Variants in PTPRF observed in about 807,000 individuals in gnomAD.
PTPRF encodes protein tyrosine phosphatase receptor type F.
A neutral mutation model predicts 201.8 loss-of-function variants in PTPRF; 59 were observed. The observed-to-expected ratio is 0.29, with a 90% CI of 0.24 to 0.36. PTPRF has a LOEUF of 0.36. Ranked by LOEUF, PTPRF falls within the 10% of genes least tolerant of loss-of-function variation. The probability of loss-of-function intolerance (pLI) is 1.00; values close to 1 mark genes in which losing one functional copy is unlikely to be tolerated. For synonymous variants in PTPRF, 1,088 were observed against 1,089.7 expected, an observed-to-expected ratio of 1.00 and a Z score of 0.03; for missense variants, 2,132 against 2,690.5, an observed-to-expected ratio of 0.79 and a Z score of 4.59.
At position 43,603,420 on chromosome 1, in the gene PTPRF, C is replaced by T. The variant is rs779932793; in HGVS notation, c.2345C>T (p.Thr782Ile). 9.3e-6 allele frequency: 15 copies of T among 1,613,940 alleles called. No homozygotes were observed. In the Admixed American group the frequency reaches 2.2e-4, roughly 23 times the overall value. ...GAACCCCTCCTCCTCCCTCAGGAAA[C>T]CACTATCAGCGGCCTGACCCCGGAG... ...WRPEESEDYE[T>I]TISGLTPETT... The change falls in exon 15 of 34, where the codon ACC (threonine) becomes ATC (isoleucine). Residue 782 changes from threonine to isoleucine, a missense_variant. Thr to Ile is a moderately conservative substitution (Grantham distance 89). Around this residue, in one of 6 missense-constraint regions of PTPRF, gnomAD observed 818 missense variants for 915.3 expected, o/e 0.89. Transcript: ENST00000359947. The surrounding 1 kb of genome is among the most constrained non-coding windows in gnomAD (Gnocchi z 5.8).
chr1:43,607,053 G>A (rs190350496), intron 21 of PTPRF, 85 bp downstream of exon 21: 68 of 1,531,628 alleles, frequency 4.4e-5, no homozygotes, highest in Admixed American at 3.6e-4. Flanking sequence ...TGTGGAGAGC[G>A]TGCAGCCTTG....
At chr1:43,605,099 G>T (rs760324390) in intron 17 of PTPRF, 91 bp from the exon 18 acceptor site, 45 of 1,576,678 alleles carry the variant, frequency 2.9e-5, no homozygotes, top group Non-Finnish European at 3.8e-5. Context: ...TGTGGAGCAG[G>T]AATGTGGTTG....
intron 2 of PTPRF, among the ~76,000 whole-genome samples, chr1:43,544,789 C>G (rs1422752006): frequency 6.6e-6 from 1 of 152,110 alleles, no homozygotes. Context: ...CTCCTGCGCT[C>G]TTTCTCCCTC....
At chr1:43,600,083 A>G (rs1653370195) in intron 13 of PTPRF, among the ~76,000 whole-genome samples, 1 of 152,204 alleles carries the variant, frequency 6.6e-6, no homozygotes, top group Admixed American at 6.5e-5. Flanking sequence ...CTTTCTGCCC[A>G]GAGGGTGCTC....
intron 1 of PTPRF, among the ~76,000 whole-genome samples, chr1:43,532,989 C>A (rs1643753233): frequency 6.6e-6 from 1 of 152,368 alleles, no homozygotes; most frequent in East Asian, 1.9e-4. Flanking sequence ...CGCAGCATAC[C>A]TGTGCACATG....
intron 5 of PTPRF, 30 bp from the exon 6 acceptor site, chr1:43,569,560 C>T (rs1646429312): frequency 1.3e-6 from 2 of 1,568,418 alleles, no homozygotes; most frequent in Admixed American, 1.8e-5. Context: ...CAGAGCCAGC[C>T]CTAATACACA....
At chr1:43,557,555 A>T (rs1391634430) in intron 5 of PTPRF, among the ~76,000 whole-genome samples, 2 of 150,284 alleles carry the variant, frequency 1.3e-5, no homozygotes, top group East Asian at 3.9e-4. Context: ...AATTGCTTGA[A>T]CCCAGGAGGA....
chr1:43,619,949 T>C, intron 29 of PTPRF, 91 bp downstream of exon 29: 1 of 1,563,656 alleles, frequency 6.4e-7, no homozygotes, highest in Non-Finnish European at 8.7e-7. Flanking sequence ...AGGGCCAGCC[T>C]AGAAGACCAG....
rs145211050 is a variant in PTPRF at position 43,619,467 on chromosome 1, C to T, written c.4826C>T (p.Thr1609Met). The T allele has an allele frequency of 8.7e-6, 14 of 1,614,068 alleles. No individual in the cohort carries two copies. The highest frequency in any genetic ancestry group is 2.2e-5 in the East Asian group (1 of 44,880). ...CATGAGGCGCTGCTGGAGGCTGCCA[C>T]GTGCGGCCACACAGAGGTGCCTGCC... ...FIHEALLEAA[T>M]CGHTEVPARN... The change falls in exon 28 of 34, where the codon ACG (threonine) becomes ATG (methionine). Residue 1609 changes from threonine (T) to methionine (M), a missense_variant. Thr to Met is a moderately conservative substitution (Grantham distance 81). Around this residue, in one of 6 missense-constraint regions of PTPRF, gnomAD observed 519 missense variants for 659.5 expected, o/e 0.79. Transcript: ENST00000359947.
chr1:43,618,378 C>T (rs1297888308), intron 25 of PTPRF, among the ~76,000 whole-genome samples: 1 of 152,154 alleles, frequency 6.6e-6, no homozygotes, highest in Non-Finnish European at 1.5e-5. Flanking sequence ...GAAAATGTGC[C>T]TGGTGCGATC....
upstream of PTPRF, among the ~76,000 whole-genome samples, chr1:43,526,711 C>T (rs925976783): frequency 2.0e-5 from 3 of 152,206 alleles, no homozygotes; most frequent in African/African-American, 7.2e-5. Flanking sequence ...AGGGCTGCAA[C>T]TGCGGGGGCC....
intron 1 of PTPRF, chr1:43,532,574 G>T: frequency 5.6e-6 from 1 of 179,294 alleles, no homozygotes; most frequent in Non-Finnish European, 1.2e-5. Flanking sequence ...CTCATGGGGA[G>T]GAATCTGCTG....
rs1373936203 is a variant in PTPRF at position 43,605,589 on chromosome 1, G to A, written c.3450G>A (p.Arg1150=). Residue 1150 remains arginine, a synonymous_variant, in exon 19 of 34, where the codon AGG becomes AGA. Transcript: ENST00000359947. ...DRVGGSMLTP[R]WSTPEELELD... The stretch of plus-strand genomic sequence containing the variant: ...TGGGCGGGAGCATGCTGACGCCAAG[G>A]TGGAGCACACCCGAGGAACTGGAGC... 1 of 1,614,198 alleles carries A rather than the reference G, an allele frequency of 6.2e-7. No homozygotes were observed. The highest frequency in any genetic ancestry group is 1.1e-5 in the South Asian group (1 of 91,086).
intron 21 of PTPRF, among the ~76,000 whole-genome samples, chr1:43,607,924 C>G (rs778636939): frequency 5.9e-5 from 9 of 152,252 alleles, no homozygotes; most frequent in Non-Finnish European, 1.2e-4. Context: ...AAGCCTTCAG[C>G]CCCCAGCACT....
intron 11 of PTPRF, among the ~76,000 whole-genome samples, chr1:43,595,968 C>T (rs750608021): frequency 2.0e-5 from 3 of 151,974 alleles, no homozygotes; most frequent in East Asian, 1.9e-4. Flanking sequence ...CCTCTAGGGA[C>T]GTGTGCATAG....
In PTPRF at chr1:43,537,439, G is replaced by A. The variant is rs193076644; in HGVS notation, c.-125-759G>A. 5.3e-5 allele frequency among the ~76,000 whole-genome samples: 8 copies of A among 152,334 alleles called. No individual in the cohort carries two copies. The highest frequency in any genetic ancestry group is 3.9e-4 in the East Asian group (2 of 5,182). ...CTGTTTTCTTTGAACTCATTCATGC[G>A]TTCATCCACTCATTCAGTGTATGCT... On this transcript the variant is annotated intron_variant, in intron 1 of 33. Coordinates refer to ENST00000359947, the MANE Select transcript of PTPRF (RefSeq NM_002840.5). This position sits in a 1 kb window ranked among gnomAD's most constrained non-coding sequence, Gnocchi z 4.8.
At chr1:43,544,746 CT>C (rs1644554726) in intron 2 of PTPRF, among the ~76,000 whole-genome samples, 1 of 152,214 alleles carries the variant, frequency 6.6e-6, no homozygotes, top group Non-Finnish European at 1.5e-5. Flanking sequence ...CTCCCTGTAC[CT>C]CCTACTCAGG....
At chr1:43,574,588 T>G (rs1286561791) in intron 6 of PTPRF, among the ~76,000 whole-genome samples, 1 of 152,248 alleles carries the variant, frequency 6.6e-6, no homozygotes, top group Non-Finnish European at 1.5e-5. Flanking sequence ...ATGTAGCCTC[T>G]GAAAAACTCT....
chr1:43,573,174 C>T (rs971003477), intron 6 of PTPRF, among the ~76,000 whole-genome samples: 2 of 152,090 alleles, frequency 1.3e-5, no homozygotes, highest in African/African-American at 4.8e-5. Context: ...AACTTGAGAC[C>T]GGGGTAGGCC....
Sources: allele counts gnomAD v4.1 joint callset (sites outside exome capture counted in the v4.1 genomes callset), GRCh38; gene constraint gnomAD v4.1.1; regional missense constraint gnomAD v4.1.1; non-coding constraint Gnocchi (gnomAD v3.1); transcripts MANE v1.5; gene names NCBI Gene and HGNC (gene_info 2026-07-23, HGNC 2026-07-21).